Variants in TSPAN14 observed in about 807,000 individuals in gnomAD.
TSPAN14 encodes tetraspanin-14.
In TSPAN14, 16 loss-of-function variants were observed where a neutral mutation model predicts 36.6. The observed-to-expected ratio is 0.44, with a 90% CI of 0.30 to 0.66. The LOEUF (loss-of-function observed/expected upper bound fraction) is 0.66, where lower values mean the gene tolerates loss of function less well. Among genes scored for constraint, TSPAN14 ranks in the 30% least tolerant of loss-of-function variants. The probability of loss-of-function intolerance (pLI) is 0.12; values close to 1 mark genes in which losing one functional copy is unlikely to be tolerated. For synonymous variants in TSPAN14, 139 were observed against 143.8 expected, an observed-to-expected ratio of 0.97 and a Z score of 0.24; for missense variants, 231 against 355.1, an observed-to-expected ratio of 0.65 and a Z score of 2.81.
intron 1 of TSPAN14, among the ~76,000 whole-genome samples, chr10:80,464,196 G>A (rs977258085): frequency 6.6e-6 from 1 of 152,286 alleles, no homozygotes; most frequent in South Asian, 2.1e-4. Context: ...CAGTGTCAGG[G>A]GTTGGTGTGA....
At chr10:80,470,914 A>G (rs1308484109) in intron 1 of TSPAN14, among the ~76,000 whole-genome samples, 2 of 152,178 alleles carry the variant, frequency 1.3e-5, no homozygotes, top group Admixed American at 6.5e-5. Flanking sequence ...GGGGTGAAAC[A>G]GTTGCCTGCT....
At chr10:80,489,150 G>A (rs1847787975) in intron 1 of TSPAN14, 67 bp from the exon 2 acceptor site, 1 of 1,054,914 alleles carries the variant, frequency 9.5e-7, no homozygotes, top group African/African-American at 1.6e-5. Flanking sequence ...ATCCGCATAT[G>A]AGCTGGTTTG....
chr10:80,497,087 T>A (rs1848238079), intron 2 of TSPAN14, among the ~76,000 whole-genome samples: 1 of 152,220 alleles, frequency 6.6e-6, no homozygotes, highest in African/African-American at 2.4e-5. Context: ...TCATTTAATA[T>A]CATATGTGAG....
Position 80,486,774 on chromosome 10 carries a change from G to A in TSPAN14, c.-17-2443G>A, listed in dbSNP as rs1457142502. Among the ~76,000 whole-genome samples the A allele has an allele frequency of 4.6e-5, 7 of 152,152 alleles. No homozygotes were observed. The East Asian group carries it at 9.6e-4, about 21-fold the overall frequency. ...CTTAGAACATTTTTCTGCCTCATAAGGCATTTCCAGCTGAATTGACAGTTC... is the reference window on the plus strand; with the variant it reads ...CTTAGAACATTTTTCTGCCTCATAAAGCATTTCCAGCTGAATTGACAGTTC... On this transcript the variant is annotated intron_variant, in intron 1 of 8. Transcript: ENST00000429989.
At chr10:80,465,209 G>T (rs1846176349) in intron 1 of TSPAN14, among the ~76,000 whole-genome samples, 1 of 152,002 alleles carries the variant, frequency 6.6e-6, no homozygotes, top group Admixed American at 6.5e-5. Context: ...TGTGCCCTTG[G>T]GTGGGGGCCA....
intron 1 of TSPAN14, among the ~76,000 whole-genome samples, chr10:80,459,953 C>G (rs954878729): frequency 1.3e-5 from 2 of 152,150 alleles, no homozygotes; most frequent in Non-Finnish European, 2.9e-5. Flanking sequence ...GGGAGGTCAG[C>G]CACAGCCCCA....
chr10:80,508,407 C>T lies in TSPAN14; in HGVS notation c.280-894C>T, dbSNP rs546160512. On this transcript the variant is annotated intron_variant, in intron 4 of 8. Coordinates refer to ENST00000429989, the Ensembl canonical transcript of TSPAN14. ...TGCTGGGATTACAGGCGTGAACCAC[C>T]GCGCCCGGCCGTGTGTATGCTTTTT... Among the ~76,000 whole-genome samples the T allele has an allele frequency of 2.0e-4, 30 of 152,286 alleles. No homozygotes were observed. In the South Asian group the frequency reaches 3.7e-3, roughly 19 times the overall value.
At chr10:80,499,076 A>C (rs543397753) in intron 2 of TSPAN14, among the ~76,000 whole-genome samples, 1 of 152,238 alleles carries the variant, frequency 6.6e-6, no homozygotes, top group Admixed American at 6.5e-5. Flanking sequence ...GGAGTTGCCA[A>C]GTACTTTTAT....
chr10:80,492,582 C>T (rs147143340), intron 2 of TSPAN14, among the ~76,000 whole-genome samples: 18 of 152,094 alleles, frequency 1.2e-4, no homozygotes, highest in African/African-American at 3.9e-4. Context: ...TTTGGGAGGC[C>T]GAGGCAGGCG....
At chr10:80,495,696 A>C (rs971063152) in intron 2 of TSPAN14, among the ~76,000 whole-genome samples, 1 of 152,220 alleles carries the variant, frequency 6.6e-6, no homozygotes, top group Non-Finnish European at 1.5e-5. Context: ...TCAGCATGGC[A>C]TAGTCTACAG....
intron 2 of TSPAN14, among the ~76,000 whole-genome samples, chr10:80,496,284 C>G (rs1382763960): frequency 6.6e-6 from 1 of 151,952 alleles, no homozygotes; most frequent in Non-Finnish European, 1.5e-5. Flanking sequence ...GATTTTTTTC[C>G]TAATATAAAT....
chr10:80,478,882 G>A (rs1007547648), intron 1 of TSPAN14, among the ~76,000 whole-genome samples: 2 of 152,156 alleles, frequency 1.3e-5, no homozygotes, highest in Admixed American at 6.5e-5. Flanking sequence ...ATTCCACAAT[G>A]GTTGAACTAG....
intron 8 of TSPAN14, among the ~76,000 whole-genome samples, chr10:80,516,744 C>T (rs1840961771): frequency 6.6e-6 from 1 of 152,208 alleles, no homozygotes; most frequent in Admixed American, 6.5e-5. Context: ...TGGCCTGAGG[C>T]TCACGTGTGT....
At chr10:80,466,753 C>G (rs1846272476) in intron 1 of TSPAN14, among the ~76,000 whole-genome samples, 1 of 152,208 alleles carries the variant, frequency 6.6e-6, no homozygotes, top group African/African-American at 2.4e-5. Flanking sequence ...AAAGCACGGT[C>G]TCAAGAGGTG....
intron 2 of TSPAN14, among the ~76,000 whole-genome samples, chr10:80,495,950 G>C (rs1245631508): frequency 6.6e-6 from 1 of 152,120 alleles, no homozygotes; most frequent in Non-Finnish European, 1.5e-5. Context: ...TTCCCTGGGT[G>C]ATGGTTGTTC....
At position 80,502,519 on chromosome 10, in the gene TSPAN14, C is replaced by T. The variant is rs183502735; in HGVS notation, c.82-2209C>T. Among the ~76,000 whole-genome samples the T allele has an allele frequency of 2.6e-5, 4 of 152,174 alleles. No homozygotes were observed. The East Asian group carries it at 7.7e-4, about 29-fold the overall frequency. On this transcript the variant is annotated intron_variant, in intron 2 of 8. Coordinates refer to ENST00000429989, the Ensembl canonical transcript of TSPAN14. ...ATGCACTGTGTATTTGGAGGCAGAA[C>T]CAGCAGAGGGTCCTCTGGGTTGAGT...
chr10:80,491,015 C>T (rs1349922822), intron 2 of TSPAN14, among the ~76,000 whole-genome samples: 2 of 152,198 alleles, frequency 1.3e-5, no homozygotes, highest in African/African-American at 4.8e-5. Flanking sequence ...GGGACTGGAA[C>T]TCTTGAAAAC....
At chr10:80,508,463 G>A (rs949451514) in intron 4 of TSPAN14, among the ~76,000 whole-genome samples, 10 of 152,084 alleles carry the variant, frequency 6.6e-5, no homozygotes, top group African/African-American at 1.4e-4. Flanking sequence ...CAAATTGGCC[G>A]GTTGTGGCAA....
chr10:80,490,281 G>C (rs555647249), intron 2 of TSPAN14, among the ~76,000 whole-genome samples: 1 of 152,230 alleles, frequency 6.6e-6, no homozygotes, highest in Admixed American at 6.5e-5. Context: ...TGACTGTCCT[G>C]GAGATGGAAG....
Sources: allele counts gnomAD v4.1 joint callset (sites outside exome capture counted in the v4.1 genomes callset), GRCh38; gene constraint gnomAD v4.1.1; transcripts MANE v1.5; gene names NCBI Gene and HGNC (gene_info 2026-07-23, HGNC 2026-07-21).